Variants in PCDHGB2 observed in about 807,000 individuals in gnomAD.
The protein encoded by PCDHGB2 is protocadherin gamma-B2.
Under a neutral mutation model 59.3 loss-of-function variants are expected in PCDHGB2, and 55 were observed. The ratio of observed to expected loss-of-function variants is 0.93; its 90% CI spans 0.75 to 1.16. The LOEUF (loss-of-function observed/expected upper bound fraction) is 1.16, where lower values mean the gene tolerates loss of function less well. Ranked by LOEUF, PCDHGB2 falls within the 50% of genes most tolerant of loss-of-function variation. PCDHGB2 has a pLI of 0.00. For synonymous variants in PCDHGB2, 516 were observed against 512.0 expected, an observed-to-expected ratio of 1.01 and a Z score of -0.11; for missense variants, 1,228 against 1,198.5, an observed-to-expected ratio of 1.02 and a Z score of -0.36.
chr5:141,433,305 C>A, intron 1 of PCDHGB2: 1 of 931,030 alleles, frequency 1.1e-6, no homozygotes, highest in Non-Finnish European at 1.6e-6. Context: ...GCAATTATCC[C>A]ACCTTTGCCT....
At position 141,487,557 on chromosome 5, in the gene PCDHGB2, T is replaced by C. The variant is rs751511771; in HGVS notation, c.2422-7250T>C. On this transcript the variant is annotated intron_variant, in intron 1 of 3. Coordinates refer to ENST00000522605, the MANE Select transcript of PCDHGB2 (RefSeq NM_018923.3). The surrounding 1 kb of genome is among the most constrained non-coding windows in gnomAD (Gnocchi z 5.0). The stretch of plus-strand genomic sequence containing the variant: ...ATGGTGAAGTCACCCAGTGCACCTA[T>C]GGCAGGGGAGCCTGTTCGCCCAAGC... The C allele has an allele frequency of 1.9e-5, 31 of 1,614,060 alleles. No homozygotes were observed. In the East Asian group the frequency reaches 4.2e-4, roughly 22 times the overall value.
chr5:141,372,906 C>A, intron 1 of PCDHGB2: 1 of 1,079,660 alleles, frequency 9.3e-7, no homozygotes, highest in Non-Finnish European at 1.3e-6. Context: ...TCCCTGATTA[C>A]ATTATTTTAT....
chr5:141,502,866 C>CTTTT (rs549047197), intron 2 of PCDHGB2, among the ~76,000 whole-genome samples: 3 of 128,028 alleles, frequency 2.3e-5, no homozygotes, highest in African/African-American at 6.2e-5. Flanking sequence ...GACTCTCTGT[C>CTTTT]TTTTTTTTTT....
intron 1 of PCDHGB2, among the ~76,000 whole-genome samples, chr5:141,379,981 C>A (rs968805615): frequency 1.5e-5 from 2 of 135,234 alleles, no homozygotes; most frequent in East Asian, 5.0e-4. Flanking sequence ...CTCACTGCAA[C>A]TTCCTCCTCC....
In PCDHGB2 at chr5:141,494,676, C is replaced by T. The variant is rs2099755997; in HGVS notation, c.2422-131C>T. On this transcript the variant is annotated intron_variant, in intron 1 of 3. Transcript: ENST00000522605. ...TTTGTCTTTGGAGATGAGTCCACCCCTGCCCCCTCTTAGTCCGTTTTCTTC... is the reference window on the plus strand; with the variant it reads ...TTTGTCTTTGGAGATGAGTCCACCCTTGCCCCCTCTTAGTCCGTTTTCTTC... 1.7e-5 allele frequency: 26 copies of T among 1,550,800 alleles called. No individual in the cohort carries two copies. In the South Asian group the frequency reaches 3.0e-4, roughly 18 times the overall value.
chr5:141,476,697 C>T lies in PCDHGB2; in HGVS notation c.2422-18110C>T, dbSNP rs758302668. The T allele has an allele frequency of 2.5e-6, 4 of 1,614,110 alleles. No individual in the cohort carries two copies. The highest frequency in any genetic ancestry group is 2.2e-5 in the South Asian group (2 of 91,088). The stretch of plus-strand genomic sequence containing the variant: ...ACGCGGGAGGACAGCACCAAGTACG[C>T]GGAGCTGGTGTTGGAGCGCGCCCTG... On this transcript the variant is annotated intron_variant, in intron 1 of 3. Coordinates refer to ENST00000522605, the MANE Select transcript of PCDHGB2 (RefSeq NM_018923.3). The surrounding 1 kb of genome is among the most constrained non-coding windows in gnomAD (Gnocchi z 7.6).
At chr5:141,372,388 C>T (rs745890626) in intron 1 of PCDHGB2, 1 of 1,614,056 alleles carries the variant, frequency 6.2e-7, no homozygotes, top group Non-Finnish European at 8.5e-7. Flanking sequence ...CTAATCTTCG[C>T]AGATAGCTTG....
rs1387036035 is a variant in PCDHGB2, at chr5:141,432,158, A to G, written c.2422-62649A>G. ...CGCTTATATCCCAGAGAACAATCCC[A>G]GAGGAGTTTCCCTCGTCTCTGTGAC... is the stretch of plus-strand genomic sequence containing the variant. On this transcript the variant is annotated intron_variant, in intron 1 of 3. Coordinates refer to ENST00000522605, the MANE Select transcript of PCDHGB2 (RefSeq NM_018923.3). The surrounding 1 kb of genome is among the most constrained non-coding windows in gnomAD (Gnocchi z 6.0). The G allele has an allele frequency of 6.2e-7, 1 of 1,613,932 alleles. No individual in the cohort carries two copies. Among genetic ancestry groups the G allele is most frequent in the Non-Finnish European group, 8.5e-7 (1 of 1,180,002 alleles).
chr5:141,500,187 TATTTA>T (rs1467273493), intron 2 of PCDHGB2, among the ~76,000 whole-genome samples: 2 of 110,668 alleles, frequency 1.8e-5, no homozygotes, highest in Non-Finnish European at 3.6e-5. Flanking sequence ...TTTTTATTTT[TATTTA>T]TTTATTTATT....
intron 1 of PCDHGB2, chr5:141,370,415 G>A: frequency 6.4e-7 from 1 of 1,569,830 alleles, no homozygotes; most frequent in Non-Finnish European, 8.6e-7. Flanking sequence ...GCTCCGGATG[G>A]AGGGGCCCAG....
At position 141,511,940 on chromosome 5, in the gene PCDHGB2, G is replaced by A. The variant is rs2099884015; in HGVS notation, c.*767G>A. 1 of 154,118 alleles carries A rather than the reference G, an allele frequency of 6.5e-6. No homozygotes were observed. The highest frequency in any genetic ancestry group is 1.9e-4 in the East Asian group (1 of 5,214). 9.5% of individuals were successfully genotyped at this position (154,118 alleles called of 1,614,324 possible). ...TCCACTGCATGTTCCAAGACAGTAT[G>A]GGGTGGTAAGATAAGGAAGGGAAGT... On this transcript the variant is annotated 3_prime_UTR_variant, in exon 4 of 4. Coordinates refer to ENST00000522605, the MANE Select transcript of PCDHGB2 (RefSeq NM_018923.3).
intron 1 of PCDHGB2, chr5:141,415,573 G>T (rs375863243): frequency 1.9e-6 from 3 of 1,614,022 alleles, no homozygotes; most frequent in South Asian, 2.2e-5. Context: ...TTTGTTAGAT[G>T]ATTCGAAGTT....
chr5:141,482,245 G>A (rs72790067), intron 1 of PCDHGB2, among the ~76,000 whole-genome samples: 74 of 152,252 alleles, frequency 4.9e-4, no homozygotes, highest in Non-Finnish European at 7.9e-4. Flanking sequence ...TATAAGTATA[G>A]TACTGTACAT....
chr5:141,452,968 A>G (rs1028716079), intron 1 of PCDHGB2, among the ~76,000 whole-genome samples: 3 of 152,210 alleles, frequency 2.0e-5, no homozygotes, highest in Non-Finnish European at 4.4e-5. Flanking sequence ...AACTGAGGGT[A>G]TATTGTCAAA....
Position 141,490,532 on chromosome 5 carries a change from C to T in PCDHGB2, c.2422-4275C>T. Reference sequence around the variant, plus strand: ...GAGCTGCTGGCCAGCGATGCTGGTTCACCTTCCCTACACAAACATCTCACC... The same window carrying T: ...GAGCTGCTGGCCAGCGATGCTGGTTTACCTTCCCTACACAAACATCTCACC... On this transcript the variant is annotated intron_variant, in intron 1 of 3. Coordinates refer to ENST00000522605, the MANE Select transcript of PCDHGB2 (RefSeq NM_018923.3). This position sits in a 1 kb window ranked among gnomAD's most constrained non-coding sequence, Gnocchi z 5.4. 6.2e-7 allele frequency: 1 copy of T among 1,614,142 alleles called. No homozygotes were observed. Among genetic ancestry groups the T allele is most frequent in the Non-Finnish European group, 8.5e-7 (1 of 1,180,030 alleles).
intron 1 of PCDHGB2, among the ~76,000 whole-genome samples, chr5:141,461,906 C>A (rs2154567542): frequency 6.6e-6 from 1 of 152,270 alleles, no homozygotes; most frequent in South Asian, 2.1e-4. Context: ...TCACTGCAAC[C>A]TCTGCCTCCT....
At chr5:141,422,899 G>C (rs759972749) in intron 1 of PCDHGB2, 13 of 1,614,116 alleles carry the variant, frequency 8.1e-6, no homozygotes, top group Middle Eastern at 3.3e-4. Context: ...GGACCAGAAC[G>C]ACAATGCGCC....
intron 1 of PCDHGB2, chr5:141,478,437 A>G (rs2099455876): frequency 6.2e-7 from 1 of 1,613,758 alleles, no homozygotes; most frequent in African/African-American, 1.3e-5. Flanking sequence ...CCGCTGCTGA[A>G]GAAACCTGGT....
intron 1 of PCDHGB2, chr5:141,404,905 GC>G (rs762314174): frequency 6.2e-6 from 10 of 1,613,910 alleles, no homozygotes; most frequent in Middle Eastern, 1.7e-4. Context: ...ACCATGGCCA[GC>G]CCCCTCTCTC....
Sources: gnomAD v4.1 joint callset for allele counts (sites outside exome capture counted in the v4.1 genomes callset) on GRCh38, gnomAD v4.1.1 for gene constraint, Gnocchi (gnomAD v3.1) non-coding constraint, MANE v1.5 for transcripts, NCBI Gene and HGNC (gene_info 2026-07-23, HGNC 2026-07-21) for gene names.